Variants in USP42 observed in about 807,000 individuals in gnomAD.
USP42 encodes the protein ubiquitin specific peptidase 42.
A neutral mutation model predicts 113.0 loss-of-function variants in USP42; 23 were observed. The observed-to-expected ratio is 0.20, with a 90% confidence interval of 0.15 to 0.29. USP42 has a LOEUF of 0.29. Among genes scored for constraint, USP42 ranks in the 10% least tolerant of loss-of-function variants. The pLI is 1.00. For missense variants in USP42, 2,174 were observed against 1,779.8 expected (o/e 1.22, Z -3.99); for synonymous variants, 933 against 699.0 (o/e 1.33, Z -5.28).
chr7:6,111,712 C>A (rs1779605506), intron 2 of USP42: 2 of 170,912 alleles, frequency 1.2e-5, no homozygotes, highest in South Asian at 2.6e-4. Context: ...AGGACATTTT[C>A]CTGCCTCAGC....
chr7:6,097,524 A>C, the USP42 span, among the ~76,000 whole-genome samples: 1 of 149,708 alleles, frequency 6.7e-6, no homozygotes, highest in African/African-American at 2.5e-5. Context: ...CTCCCAGTTC[A>C]GTCTCCCAAA....
chr7:6,122,414 T>C (rs1275676956), intron 3 of USP42, among the ~76,000 whole-genome samples: 2 of 151,934 alleles, frequency 1.3e-5, no homozygotes, highest in East Asian at 3.9e-4. Flanking sequence ...CCTTCCCAAG[T>C]AGCTGAGACT....
chr7:6,146,337 T>TAA (rs75745239), intron 11 of USP42, 89 bp downstream of exon 11: 2,312 of 623,032 alleles, frequency 3.7e-3, no homozygotes, highest in East Asian at 0.013. Context: ...TTCAGTGTTT[T>TAA]AAAAAAAAAA....
At chr7:6,134,596 G>A (rs1415737793) in intron 3 of USP42, among the ~76,000 whole-genome samples, 1 of 152,164 alleles carries the variant, frequency 6.6e-6, no homozygotes, top group Non-Finnish European at 1.5e-5. Context: ...GGGAGGGGCT[G>A]TCCGGTGCAT....
Position 6,111,150 on chromosome 7 carries a change from A to G in USP42, c.17A>G (p.Lys6Arg). Residue 6 changes from lysine to arginine, a missense_variant, in exon 2 of 18, where the codon AAA (lysine) becomes AGA (arginine). Transcript: ENST00000306177. MTIVDKASESSDPSAY... is the reference protein window; with the variant it reads MTIVDRASESSDPSAY... The stretch of plus-strand genomic sequence containing the variant: ...AGTTGAACAATGACCATAGTTGACA[A>G]AGCTTCTGAATCTTCAGACCCATCA... The G allele has an allele frequency of 1.2e-6, 2 of 1,612,392 alleles. No homozygotes were observed. Among genetic ancestry groups the G allele is most frequent in the Non-Finnish European group, 1.7e-6 (2 of 1,178,734 alleles).
chr7:6,160,687 A>G lies in USP42; in HGVS notation c.*169A>G, dbSNP rs567216778. 1.6e-4 allele frequency: 24 copies of G among 152,422 alleles called. No individual in the cohort carries two copies. Among genetic ancestry groups the G allele is most frequent in the African/African-American group, 5.8e-4 (24 of 41,510 alleles). The allele number at this position is 152,422 out of a possible 1,614,324, so 9.4% of individuals were successfully genotyped here. On this transcript the variant is annotated 3_prime_UTR_variant, in exon 18 of 18. Coordinates refer to ENST00000306177, the MANE Select transcript of USP42 (RefSeq NM_032172.3). ...TTTTACCATGGAGAACTTTTTTTTT[A>G]GTTTTTACCTTTTCTTAATTACCCT...
the USP42 span, among the ~76,000 whole-genome samples, chr7:6,094,472 G>C: frequency 6.6e-6 from 1 of 151,204 alleles, no homozygotes; most frequent in African/African-American, 2.5e-5. Flanking sequence ...AGCCCAGCCT[G>C]AGAGATTCTA....
rs1266206919 is a variant in USP42, at chr7:6,158,848, G to A, written c.3944-602G>A. On this transcript the variant is annotated intron_variant, in intron 16 of 17. Coordinates refer to ENST00000306177, the MANE Select transcript of USP42 (RefSeq NM_032172.3). This position sits in a 1 kb window ranked among gnomAD's most constrained non-coding sequence, Gnocchi z 4.2. The stretch of plus-strand genomic sequence containing the variant: ...ATGGGCTTCCAGCTGGGGCTACTGG[G>A]AGACAGTGATGGCCCCCGAGGCAGC... 6.6e-6 allele frequency among the ~76,000 whole-genome samples: 1 copy of A among 152,098 alleles called. No homozygotes were observed. Among genetic ancestry groups the A allele is most frequent in the Non-Finnish European group, 1.5e-5 (1 of 68,022 alleles).
the USP42 span, among the ~76,000 whole-genome samples, chr7:6,095,912 C>T: frequency 6.6e-6 from 1 of 150,568 alleles, no homozygotes; most frequent in Admixed American, 6.6e-5. Context: ...ACAGGTGCCA[C>T]CATACTTGGC....
chr7:6,154,389 C>T lies in USP42; in HGVS notation c.2835C>T (p.Leu945=), dbSNP rs775778721. 22 of 1,576,870 alleles carry T rather than the reference C, an allele frequency of 1.4e-5. No homozygotes were observed. The highest frequency in any genetic ancestry group is 1.9e-5 in the Non-Finnish European group (22 of 1,163,082). The part of the protein sequence containing the change: ...PSPAKEKIGS[L]RKVDRGHYRS... ...CAGCGAAGGAGAAAATCGGCAGCCT[C>T]AGAAAGGTGGACCGAGGCCACTACC... Residue 945 remains leucine (L), a synonymous_variant, in exon 15 of 18, where the codon CTC becomes CTT. Coordinates refer to ENST00000306177, the MANE Select transcript of USP42 (RefSeq NM_032172.3).
intron 2 of USP42, among the ~76,000 whole-genome samples, chr7:6,114,039 C>T (rs2128479788): frequency 6.6e-6 from 1 of 152,266 alleles, no homozygotes; most frequent in East Asian, 1.9e-4. Context: ...ATCTTGAGTT[C>T]CATTATCATA....
chr7:6,135,363 A>G (rs541285451), intron 3 of USP42, among the ~76,000 whole-genome samples: 277 of 152,248 alleles, frequency 1.8e-3, no homozygotes, highest in African/African-American at 6.3e-3. Context: ...AGAAAAGTAA[A>G]TGAGGCTGGG....
chr7:6,149,462 A>C (rs1178445131), intron 12 of USP42, 121 bp from the exon 13 acceptor site: 28 of 1,242,172 alleles, frequency 2.3e-5, no homozygotes, highest in Non-Finnish European at 2.8e-5. Flanking sequence ...CAGGTGTATG[A>C]AACTTGTTAG....
At chr7:6,156,372 C>G (rs1179872805) in intron 15 of USP42, among the ~76,000 whole-genome samples, 1 of 152,148 alleles carries the variant, frequency 6.6e-6, no homozygotes, top group South Asian at 2.1e-4. Context: ...AAAGCTGAAG[C>G]AGAGATGGGA....
chr7:6,109,024 A>T (rs768458637), intron 1 of USP42, among the ~76,000 whole-genome samples: 1 of 152,246 alleles, frequency 6.6e-6, no homozygotes, highest in African/African-American at 2.4e-5. Flanking sequence ...TGTGGAGTAG[A>T]TGCCAGCACA....
At chr7:6,128,545 C>T (rs1259170325) in intron 3 of USP42, among the ~76,000 whole-genome samples, 1 of 152,144 alleles carries the variant, frequency 6.6e-6, no homozygotes, top group Non-Finnish European at 1.5e-5. Context: ...AACAGCGTAT[C>T]GTTGGGTTGT....
At chr7:6,121,090 A>C (rs567235500) in intron 3 of USP42, among the ~76,000 whole-genome samples, 1 of 152,258 alleles carries the variant, frequency 6.6e-6, no homozygotes, top group Non-Finnish European at 1.5e-5. Context: ...TACGTGAATA[A>C]AGATAATTTT....
In USP42 at chr7:6,154,527, G is replaced by T. The variant is rs2128522113; in HGVS notation, c.2973G>T (p.Gln991His). The change falls in exon 15 of 18, where the codon CAG becomes CAT. Residue 991 changes from glutamine (Q) to histidine (H), a missense_variant. Gln to His is a conservative substitution (Grantham distance 24, BLOSUM62 0). Coordinates refer to ENST00000306177, the MANE Select transcript of USP42 (RefSeq NM_032172.3). ...RRTCPRERDRQDRHAPEHHPG... is the reference protein window; with the variant it reads ...RRTCPRERDRHDRHAPEHHPG... ...CCTGCCCCCGGGAGCGCGACCGCCA[G>T]GACCGCCACGCCCCGGAGCACCACC... is the stretch of plus-strand genomic sequence containing the variant. The T allele has an allele frequency of 6.5e-7, 1 of 1,542,478 alleles. No homozygotes were observed. The highest frequency in any genetic ancestry group is 8.7e-7 in the Non-Finnish European group (1 of 1,144,604).
chr7:6,145,670 A>G lies in USP42; in HGVS notation c.1131+14A>G, dbSNP rs200495011. The G allele has an allele frequency of 6.2e-7, 1 of 1,610,260 alleles. No homozygotes were observed. The highest frequency in any genetic ancestry group is 2.2e-5 in the East Asian group (1 of 44,822). On this transcript the variant is annotated intron_variant, in intron 10 of 17. Transcript: ENST00000306177. The stretch of plus-strand genomic sequence containing the variant: ...TGCTACATAAAAGTAAGCTGTGCAG[A>G]TTTGCTATTAACTATTGTTACATAC...
Sources: allele counts gnomAD v4.1 joint callset (sites outside exome capture counted in the v4.1 genomes callset), GRCh38; gene constraint gnomAD v4.1.1; non-coding constraint Gnocchi (gnomAD v3.1); transcripts MANE v1.5; gene names NCBI Gene and HGNC (gene_info 2026-07-23, HGNC 2026-07-21).